HEXD: variants seen among roughly 807,000 people sequenced by gnomAD.
The protein encoded by HEXD is hexosaminidase D.
In HEXD, 47 loss-of-function variants were observed where a neutral mutation model predicts 54.2. The ratio of observed to expected loss-of-function variants is 0.87; its 90% CI spans 0.69 to 1.11. The LOEUF is 1.11. Ranked by LOEUF, HEXD falls within the 50% of genes least tolerant of loss-of-function variation. The pLI, the probability that HEXD is intolerant of heterozygous loss-of-function variation, is 0.00. For missense variants in HEXD, 576 were observed against 649.2 expected (o/e 0.89, Z 1.23); for synonymous variants, 293 against 287.6 (o/e 1.02, Z -0.19).
intron 2 of HEXD, chr17:82,423,637 A>AC (rs1369905595): frequency 6.6e-6 from 1 of 151,792 alleles, no homozygotes; most frequent in Non-Finnish European, 1.5e-5. Context: ...ACATGGTGAA[A>AC]CCCCGTCTCT....
chr17:82,438,316 C>T (rs965514059), intron 8 of HEXD, among the ~76,000 whole-genome samples: 1 of 152,184 alleles, frequency 6.6e-6, no homozygotes, highest in Non-Finnish European at 1.5e-5. Flanking sequence ...GGAAGCCTAA[C>T]TCTGGTGACC....
chr17:82,430,820 T>G lies in HEXD; in HGVS notation c.282+2175T>G, dbSNP rs1030438560. Among the ~76,000 whole-genome samples the G allele has an allele frequency of 4.6e-5, 7 of 152,058 alleles. No homozygotes were observed. In the South Asian group the frequency reaches 1.2e-3, roughly 27 times the overall value. On this transcript the variant is annotated intron_variant, in intron 4 of 12. Transcript: ENST00000327949. ...CTGATGGTATGTAATTTGCAGGTAT[T>G]CTCCCCCAGTGTAGAGCTACATGCT...
At chr17:82,432,129 C>T (rs2053591615) in intron 4 of HEXD, among the ~76,000 whole-genome samples, 1 of 152,184 alleles carries the variant, frequency 6.6e-6, no homozygotes, top group African/African-American at 2.4e-5. Context: ...CACCTTGAGC[C>T]CACAGACCTC....
Position 82,434,126 on chromosome 17 carries a change from C to T in HEXD, c.447+304C>T, listed in dbSNP as rs1326991879. 8.5e-5 allele frequency among the ~76,000 whole-genome samples: 13 copies of T among 152,342 alleles called. No homozygotes were observed. The South Asian group carries it at 1.9e-3, about 22-fold the overall frequency. ...TCGTGTCAGACGAGACCACCCCGGG[C>T]GGCTGGGCTGGCGGAAGCCTGTGGG... On this transcript the variant is annotated intron_variant, in intron 5 of 12. Transcript: ENST00000327949. The surrounding 1 kb of genome is among the most constrained non-coding windows in gnomAD (Gnocchi z 4.5).
intron 2 of HEXD, among the ~76,000 whole-genome samples, chr17:82,423,977 C>G (rs1474197551): frequency 1.3e-5 from 2 of 151,984 alleles, no homozygotes; most frequent in Non-Finnish European, 2.9e-5. Context: ...GCCCCGGCTC[C>G]TCCTGCCCCG....
In HEXD at chr17:82,435,671, C is replaced by T; in HGVS notation, c.448-18C>T. The T allele has an allele frequency of 6.2e-7, 1 of 1,602,858 alleles. No homozygotes were observed. Among genetic ancestry groups the T allele is most frequent in the East Asian group, 2.2e-5 (1 of 44,610 alleles). The stretch of plus-strand genomic sequence containing the variant: ...TGCACGGCTGCCAAGGCAACCCCGT[C>T]CTGCTCCTTCCTTGCAGGTCTATTA... On this transcript the variant is annotated intron_variant, in intron 5 of 12. Transcript: ENST00000327949.
intron 3 of HEXD, among the ~76,000 whole-genome samples, chr17:82,425,207 TGGAGGAGGCTGGGCTAGAGAAGGCC>T (rs1179359647): frequency 6.6e-5 from 9 of 136,500 alleles, no homozygotes; most frequent in Admixed American, 5.2e-4. Context: ...TGGAGGAGGC[TGGAGGAGGCTGGGCTAGAGAAGGCC>T]GGAGGAGGCT....
chr17:82,440,102 C>T, intron 9 of HEXD: 1 of 1,298,350 alleles, frequency 7.7e-7, no homozygotes, highest in Non-Finnish European at 1.0e-6. Context: ...CTGGACCCAG[C>T]ACTCACACTT....
intron 3 of HEXD, chr17:82,428,204 C>T (rs1445804756): frequency 4.7e-5 from 8 of 169,876 alleles, no homozygotes; most frequent in African/African-American, 1.2e-4. Context: ...AGGCTGGTCT[C>T]GAACTCCTGA....
Position 82,442,121 on chromosome 17 carries a change from G to A in HEXD, c.1254-56G>A. 4.5e-6 allele frequency: 7 copies of A among 1,557,816 alleles called. No homozygotes were observed. The highest frequency in any genetic ancestry group is 6.1e-6 in the Non-Finnish European group (7 of 1,151,952). On this transcript the variant is annotated intron_variant, in intron 12 of 12. Coordinates refer to ENST00000327949, the MANE Select transcript of HEXD (RefSeq NM_001330542.2). This position sits in a 1 kb window ranked among gnomAD's most constrained non-coding sequence, Gnocchi z 6.8. ...GGCACAGGGCAGTACTGACCATGGG[G>A]CTGAGGGCAAGTCCCAAGTGTGCAG...
chr17:82,432,814 A>AG (rs2143528379), intron 4 of HEXD, among the ~76,000 whole-genome samples: 1 of 151,840 alleles, frequency 6.6e-6, no homozygotes, highest in South Asian at 2.1e-4. Context: ...CTGTAATCCC[A>AG]GCACTTTGGG....
At chr17:82,438,632 C>T (rs925919788) in intron 8 of HEXD, among the ~76,000 whole-genome samples, 2 of 152,142 alleles carry the variant, frequency 1.3e-5, no homozygotes, top group African/African-American at 4.8e-5. Context: ...GGGCAGGTGG[C>T]GCAGGTGATG....
At chr17:82,422,472 G>A (rs1273166007) in intron 2 of HEXD, among the ~76,000 whole-genome samples, 1 of 150,476 alleles carries the variant, frequency 6.6e-6, no homozygotes, top group Admixed American at 6.6e-5. Context: ...ACTCCAGCCT[G>A]GGCGATAGAG....
At chr17:82,439,014 C>T (rs1437516917) in intron 8 of HEXD, among the ~76,000 whole-genome samples, 1 of 152,200 alleles carries the variant, frequency 6.6e-6, no homozygotes, top group African/African-American at 2.4e-5. Flanking sequence ...GTCTGTCACC[C>T]ACCTCACAGC....
Position 82,434,933 on chromosome 17 carries a change from A to G in HEXD, c.448-756A>G, listed in dbSNP as rs939945526. ...GGCTGAGGCAGGTGGACCACCTGAGATCAGGAGTTCAAGATCAGCCTGGCC... is the reference window on the plus strand; with the variant it reads ...GGCTGAGGCAGGTGGACCACCTGAGGTCAGGAGTTCAAGATCAGCCTGGCC... On this transcript the variant is annotated intron_variant, in intron 5 of 12. Transcript: ENST00000327949. This position sits in a 1 kb window ranked among gnomAD's most constrained non-coding sequence, Gnocchi z 4.5. Among the ~76,000 whole-genome samples the G allele has an allele frequency of 3.3e-5, 5 of 151,356 alleles. No individual in the cohort carries two copies. Among genetic ancestry groups the G allele is most frequent in the African/African-American group, 1.2e-4 (5 of 41,142 alleles).
intron 9 of HEXD, 150 bp downstream of exon 9, chr17:82,439,863 C>T (rs1365269067): frequency 1.3e-6 from 2 of 1,540,750 alleles, no homozygotes; most frequent in Admixed American, 3.9e-5. Flanking sequence ...AGCTCAGCCA[C>T]CCACCTGCCC....
At chr17:82,428,436 G>C in intron 3 of HEXD, 122 bp from the exon 4 acceptor site, 1 of 759,308 alleles carries the variant, frequency 1.3e-6, no homozygotes. Flanking sequence ...GCTTTGTGGA[G>C]TTTAGGGCCT....
chr17:82,434,727 A>G lies in HEXD; in HGVS notation c.447+905A>G, dbSNP rs2053710624. Among the ~76,000 whole-genome samples, 1 of 151,888 alleles carries G rather than the reference A, an allele frequency of 6.6e-6. No homozygotes were observed. The highest frequency in any genetic ancestry group is 1.5e-5 in the Non-Finnish European group (1 of 67,970). Reference sequence around the variant, plus strand: ...ATGGCGGGCGCCTGTAATCCCAGCTACTCAGGAGGCTGAGGCACGAGAATC... The same window carrying G: ...ATGGCGGGCGCCTGTAATCCCAGCTGCTCAGGAGGCTGAGGCACGAGAATC... On this transcript the variant is annotated intron_variant, in intron 5 of 12. Coordinates refer to ENST00000327949, the MANE Select transcript of HEXD (RefSeq NM_001330542.2). The surrounding 1 kb of genome is among the most constrained non-coding windows in gnomAD (Gnocchi z 4.5).
At chr17:82,433,129 T>TATATATATATA (rs1555617733) in intron 4 of HEXD, among the ~76,000 whole-genome samples, 3 of 8,444 alleles carry the variant, frequency 3.6e-4, no homozygotes, top group African/African-American at 8.4e-4. Context: ...TATATATATA[T>TATATATATATA]TTTTTTTTTT....
Sources: allele counts gnomAD v4.1 joint callset (sites outside exome capture counted in the v4.1 genomes callset), GRCh38; gene constraint gnomAD v4.1.1; non-coding constraint Gnocchi (gnomAD v3.1); transcripts MANE v1.5; gene names NCBI Gene and HGNC (gene_info 2026-07-23, HGNC 2026-07-21).